The following ZBTB20 variants were observed in gnomAD, a reference collection of about 807,000 sequenced individuals.
ZBTB20 encodes the protein zinc finger and BTB domain containing 20.
Under a neutral mutation model 56.9 loss-of-function variants are expected in ZBTB20, and 9 were observed. That is an observed-to-expected ratio of 0.16 (90% confidence interval 0.10 to 0.28). The LOEUF (loss-of-function observed/expected upper bound fraction) is 0.28, where lower values mean the gene tolerates loss of function less well. Among genes scored for constraint, ZBTB20 ranks in the 10% least tolerant of loss-of-function variants. The pLI, the probability that ZBTB20 is intolerant of heterozygous loss-of-function variation, is 1.00. For synonymous variants in ZBTB20, 417 were observed against 420.7 expected (o/e 0.99, Z 0.11); for missense variants, 655 against 1,003.0 (o/e 0.65, Z 4.69).
intron 7 of ZBTB20, among the ~76,000 whole-genome samples, chr3:114,423,751 T>C (rs1171234706): frequency 6.6e-6 from 1 of 152,226 alleles, no homozygotes; most frequent in Non-Finnish European, 1.5e-5. Context: ...ATTTGATCCC[T>C]ATTTATCTGT....
intron 1 of ZBTB20, chr3:115,102,428 A>G (rs2083611341): frequency 1.3e-5 from 2 of 152,106 alleles, no homozygotes; most frequent in African/African-American, 4.8e-5. Context: ...ATTAAGAAAA[A>G]TGTCAATTAA....
chr3:114,792,570 A>T (rs990149088), intron 5 of ZBTB20, among the ~76,000 whole-genome samples: 3 of 152,142 alleles, frequency 2.0e-5, no homozygotes, highest in Non-Finnish European at 4.4e-5. Context: ...TCCCAGACTC[A>T]GATAATTATT....
intron 6 of ZBTB20, among the ~76,000 whole-genome samples, chr3:114,601,536 A>G (rs1174365074): frequency 6.6e-6 from 1 of 152,202 alleles, no homozygotes; most frequent in Non-Finnish European, 1.5e-5. Flanking sequence ...TTCATTATAC[A>G]ATAAATATTA....
intron 2 of ZBTB20, among the ~76,000 whole-genome samples, chr3:114,993,733 C>G (rs1225208210): frequency 6.6e-6 from 1 of 151,778 alleles, no homozygotes; most frequent in Non-Finnish European, 1.5e-5. Context: ...CACTACATAT[C>G]AAAACCTGTG....
At chr3:115,055,173 G>T (rs1367888596) in intron 2 of ZBTB20, among the ~76,000 whole-genome samples, 1 of 114,526 alleles carries the variant, frequency 8.7e-6, no homozygotes, top group South Asian at 2.6e-4. Flanking sequence ...ACAATCTTTT[G>T]CTCCCTCCTG....
At chr3:114,713,375 C>T (rs2064228249) in intron 5 of ZBTB20, among the ~76,000 whole-genome samples, 2 of 152,090 alleles carry the variant, frequency 1.3e-5, no homozygotes, top group South Asian at 4.2e-4. Context: ...ATTTTCCTAG[C>T]TGAAAATGCC....
In ZBTB20 at chr3:114,880,937, TTCTG is replaced by T. The variant is rs1382960807; in HGVS notation, c.-417+19363_-417+19366del. 4.6e-5 allele frequency among the ~76,000 whole-genome samples: 7 copies of T among 152,128 alleles called. No individual in the cohort carries two copies. The East Asian group carries it at 7.7e-4, about 17-fold the overall frequency. Reference sequence around the variant, plus strand: ...ATCAATGGTGATTTTCTTGTCTTCTTTCTGTCTTTTTGTGTTTTCCAAATAGTTT... The same window carrying T: ...ATCAATGGTGATTTTCTTGTCTTCTTTCTTTTTGTGTTTTCCAAATAGTTT... On this transcript the variant is annotated intron_variant, in intron 4 of 11. Coordinates refer to ENST00000675478, the MANE Select transcript of ZBTB20 (RefSeq NM_001348800.3).
At chr3:114,692,815 T>C (rs1212052054) in intron 6 of ZBTB20, among the ~76,000 whole-genome samples, 1 of 152,170 alleles carries the variant, frequency 6.6e-6, no homozygotes, top group Admixed American at 6.6e-5. Flanking sequence ...TTACAAACTT[T>C]ACAAATTTTC....
At chr3:114,768,870 T>C (rs2068970140) in intron 5 of ZBTB20, among the ~76,000 whole-genome samples, 1 of 152,306 alleles carries the variant, frequency 6.6e-6, no homozygotes, top group Middle Eastern at 3.4e-3. Context: ...CAGGTTCTGA[T>C]ACCCAGTAAT....
In ZBTB20 at chr3:115,039,344, G is replaced by A. The variant is rs542549660; in HGVS notation, c.-507+31875C>T. On this transcript the variant is annotated intron_variant, in intron 2 of 11. Transcript: ENST00000675478. ...TAGGAAAACAATCGGGATAGAAAAC[G>A]TTTCAAATGTTTGAAAACTTCAAAT... Among the ~76,000 whole-genome samples the A allele has an allele frequency of 5.6e-4, 85 of 152,106 alleles. 1 individual carries two copies. The highest frequency in any genetic ancestry group is 1.3e-3 in the Admixed American group (20 of 15,264).
At chr3:114,428,257 C>T (rs1247757276) in intron 7 of ZBTB20, among the ~76,000 whole-genome samples, 1 of 152,022 alleles carries the variant, frequency 6.6e-6, no homozygotes, top group Non-Finnish European at 1.5e-5. Flanking sequence ...ACAATGGGGA[C>T]AATCAGACTC....
chr3:115,088,857 T>C lies in ZBTB20; in HGVS notation c.-702-17443A>G, dbSNP rs572896303. On this transcript the variant is annotated intron_variant, in intron 1 of 11. Coordinates refer to ENST00000675478, the MANE Select transcript of ZBTB20 (RefSeq NM_001348800.3). The stretch of plus-strand genomic sequence containing the variant: ...CAATAACAATGGATATGCCATGAAA[T>C]TGTTGTGTTTCACAGCGTGTCATAA... 1.1e-4 allele frequency among the ~76,000 whole-genome samples: 16 copies of C among 151,954 alleles called. No individual in the cohort carries two copies. In the East Asian group the frequency reaches 1.3e-3, roughly 13 times the overall value.
intron 6 of ZBTB20, among the ~76,000 whole-genome samples, chr3:114,618,995 G>T (rs2058126686): frequency 6.6e-6 from 1 of 152,108 alleles, no homozygotes; most frequent in Admixed American, 6.5e-5. Context: ...TTCACAAGTG[G>T]ATTAGGCACT....
chr3:114,780,512 G>A (rs978631675), intron 5 of ZBTB20, among the ~76,000 whole-genome samples: 2 of 151,860 alleles, frequency 1.3e-5, no homozygotes, highest in Admixed American at 6.6e-5. Context: ...TTTTTGAGAC[G>A]GAGTCTCGTT....
Position 114,351,175 on chromosome 3 carries a change from G to A in ZBTB20, c.903C>T (p.Tyr301=), listed in dbSNP as rs747034875. ...IHERSQQMER[Y]LSTTPETTHC... is the part of the protein sequence containing the mutation. Reference sequence around the variant, plus strand: ...GCGTGGTCTCGGGGGTGGTGGACAGGTAGCGCTCCATCTGCTGCGAGCGCT... The same window carrying A: ...GCGTGGTCTCGGGGGTGGTGGACAGATAGCGCTCCATCTGCTGCGAGCGCT... The change falls in exon 11 of 12, where the codon TAC becomes TAT. Residue 301 remains tyrosine (Y), a synonymous_variant. Transcript: ENST00000675478. 28 of 1,602,612 alleles carry A rather than the reference G, an allele frequency of 1.7e-5. No homozygotes were observed. The South Asian group carries it at 3.0e-4, about 17-fold the overall frequency.
At chr3:114,937,431 T>C (rs80207714) in intron 3 of ZBTB20, among the ~76,000 whole-genome samples, 14,027 of 151,372 alleles carry the variant, frequency 0.093, 1,895 homozygotes, top group African/African-American at 0.3. Context: ...TCTTCTTCTT[T>C]TTTTTTTTTA....
chr3:114,979,490 A>G (rs892346375), intron 2 of ZBTB20, among the ~76,000 whole-genome samples: 1 of 152,048 alleles, frequency 6.6e-6, no homozygotes, highest in African/African-American at 2.4e-5. Context: ...CAACATATGA[A>G]CTATGACTTC....
At chr3:114,938,822 TA>T (rs1215640156) in intron 3 of ZBTB20, among the ~76,000 whole-genome samples, 9 of 142,876 alleles carry the variant, frequency 6.3e-5, no homozygotes, top group East Asian at 2.0e-4. Flanking sequence ...AAAAGTATAA[TA>T]AAAAAAAAAT....
At chr3:114,630,122 A>C (rs1251506942) in intron 6 of ZBTB20, among the ~76,000 whole-genome samples, 2 of 152,186 alleles carry the variant, frequency 1.3e-5, no homozygotes, top group South Asian at 4.1e-4. Flanking sequence ...CCTGGGTGAC[A>C]AAGCGAGACC....
Sources: gnomAD v4.1 joint callset for allele counts (sites outside exome capture counted in the v4.1 genomes callset) on GRCh38, gnomAD v4.1.1 for gene constraint, MANE v1.5 for transcripts, NCBI Gene and HGNC (gene_info 2026-07-23, HGNC 2026-07-21) for gene names.